The following CFAP299 variants were observed in gnomAD, a reference collection of about 807,000 sequenced individuals.
The protein encoded by CFAP299 is cilia- and flagella-associated protein 299.
CFAP299 carries 21 observed loss-of-function variants against 27.0 expected under a neutral mutation model. That is an observed-to-expected ratio of 0.78 (90% confidence interval 0.55 to 1.12). The LOEUF is 1.12. CFAP299 is among the 50% of genes most tolerant of loss of function. CFAP299 has a pLI of 0.00. For missense variants in CFAP299, 310 were observed against 276.6 expected, an observed-to-expected ratio of 1.12 and a Z score of -0.86; for synonymous variants, 104 against 98.1, an observed-to-expected ratio of 1.06 and a Z score of -0.36.
intron 2 of CFAP299, among the ~76,000 whole-genome samples, chr4:80,556,867 C>T (rs1734809354): frequency 6.6e-6 from 1 of 152,040 alleles, no homozygotes; most frequent in African/African-American, 2.4e-5. Context: ...TCTTCCCCCT[C>T]CATTTTCTCC....
At chr4:80,799,824 A>AT (rs1484919847) in intron 3 of CFAP299, among the ~76,000 whole-genome samples, 1 of 38,512 alleles carries the variant, frequency 2.6e-5, no homozygotes, top group African/African-American at 1.1e-4. Context: ...TATATATTAT[A>AT]TATATTTATA....
intron 3 of CFAP299, among the ~76,000 whole-genome samples, chr4:80,742,365 T>C (rs1186749499): frequency 6.6e-6 from 1 of 152,196 alleles, no homozygotes; most frequent in African/African-American, 2.4e-5. Flanking sequence ...TTTACATTTA[T>C]TTATTGATTT....
chr4:80,900,833 C>G (rs1734853558), intron 4 of CFAP299, among the ~76,000 whole-genome samples: 1 of 151,762 alleles, frequency 6.6e-6, no homozygotes. Context: ...TTGTTGACCT[C>G]TATGTCCTTT....
intron 2 of CFAP299, among the ~76,000 whole-genome samples, chr4:80,490,698 G>T (rs990657974): frequency 2.0e-5 from 3 of 151,962 alleles, no homozygotes; most frequent in Middle Eastern, 3.2e-3. Flanking sequence ...TTCACTTAAA[G>T]TTTAAATCAC....
At chr4:80,709,461 C>T (rs329403) in intron 3 of CFAP299, among the ~76,000 whole-genome samples, 134,722 of 152,168 alleles carry the variant, frequency 0.89, 60,157 homozygotes, top group East Asian at 1. Flanking sequence ...ATTACTACTA[C>T]GTTTAAGAAC....
chr4:80,827,706 A>G (rs1351515348), intron 3 of CFAP299, among the ~76,000 whole-genome samples: 1 of 151,986 alleles, frequency 6.6e-6, no homozygotes, highest in Non-Finnish European at 1.5e-5. Context: ...GGTCAAAGCA[A>G]TTAAACAAAA....
intron 3 of CFAP299, among the ~76,000 whole-genome samples, chr4:80,768,285 A>G (rs1726009288): frequency 6.6e-6 from 1 of 152,202 alleles, no homozygotes; most frequent in South Asian, 2.1e-4. Flanking sequence ...GTGACAACTA[A>G]TAGTAGAATG....
chr4:80,644,281 C>T (rs1188514100), intron 3 of CFAP299, among the ~76,000 whole-genome samples: 1 of 151,960 alleles, frequency 6.6e-6, no homozygotes, highest in Non-Finnish European at 1.5e-5. Context: ...CTATTAGCAT[C>T]GATTATTGGA....
chr4:80,351,818 A>T (rs1192410231), intron 1 of CFAP299, among the ~76,000 whole-genome samples: 1 of 150,566 alleles, frequency 6.6e-6, no homozygotes, highest in Non-Finnish European at 1.5e-5. Flanking sequence ...TAATATATTA[A>T]TAACATTAAA....
intron 2 of CFAP299, among the ~76,000 whole-genome samples, chr4:80,380,284 A>G (rs1328393319): frequency 1.8e-4 from 27 of 152,182 alleles, no homozygotes; most frequent in Non-Finnish European, 1.2e-4. Flanking sequence ...AAAGCTTAAA[A>G]TAAATTTACA....
At chr4:80,815,503 G>A (rs1729376552) in intron 3 of CFAP299, among the ~76,000 whole-genome samples, 2 of 152,000 alleles carry the variant, frequency 1.3e-5, no homozygotes, top group South Asian at 4.1e-4. Context: ...AGTAAACAGT[G>A]TTGAAAGTAG....
At chr4:80,798,202 G>C (rs1020889103) in intron 3 of CFAP299, among the ~76,000 whole-genome samples, 1 of 152,102 alleles carries the variant, frequency 6.6e-6, no homozygotes, top group Non-Finnish European at 1.5e-5. Flanking sequence ...GAAGCAAACA[G>C]GGGTGTTGGG....
intron 3 of CFAP299, among the ~76,000 whole-genome samples, chr4:80,800,023 T>C (rs1184315144): frequency 1.7e-5 from 1 of 59,208 alleles, no homozygotes; most frequent in East Asian, 5.6e-4. Context: ...TAATATATAT[T>C]ATATATAATA....
At chr4:80,870,342 G>T in intron 4 of CFAP299, 1 of 1,229,288 alleles carries the variant, frequency 8.1e-7, no homozygotes, top group Non-Finnish European at 1.0e-6. Flanking sequence ...GGATTCTTCA[G>T]AGACAAGATA....
chr4:80,648,060 A>C lies in CFAP299; in HGVS notation c.333+64877A>C, dbSNP rs1303473312. On this transcript the variant is annotated intron_variant, in intron 3 of 5. Coordinates refer to ENST00000358105, the MANE Select transcript of CFAP299 (RefSeq NM_152770.3). ...TGACAGAGGGAGAGACTCTGTCTCC[A>C]AAAAAAGGAAAAATGTTTTTAAGAA... 2.0e-5 allele frequency among the ~76,000 whole-genome samples: 3 copies of C among 152,256 alleles called. No individual in the cohort carries two copies. In the East Asian group the frequency reaches 5.8e-4, roughly 29 times the overall value.
At chr4:80,492,668 A>T (rs1731198012) in intron 2 of CFAP299, among the ~76,000 whole-genome samples, 1 of 152,212 alleles carries the variant, frequency 6.6e-6, no homozygotes, top group Non-Finnish European at 1.5e-5. Flanking sequence ...AGGTTTTATT[A>T]TTATTAAGGT....
chr4:80,691,392 T>A (rs1399657946), intron 3 of CFAP299, among the ~76,000 whole-genome samples: 2 of 142,148 alleles, frequency 1.4e-5, no homozygotes, highest in African/African-American at 5.4e-5. Flanking sequence ...GTTCAATATA[T>A]GCAAATCAAT....
intron 3 of CFAP299, among the ~76,000 whole-genome samples, chr4:80,611,870 A>G (rs1392616259): frequency 6.6e-6 from 1 of 152,052 alleles, no homozygotes; most frequent in East Asian, 1.9e-4. Context: ...CCTACACCAT[A>G]CACTGTCCCA....
chr4:80,835,945 G>T (rs72881540), intron 3 of CFAP299, among the ~76,000 whole-genome samples: 3 of 152,098 alleles, frequency 2.0e-5, no homozygotes, highest in Non-Finnish European at 4.4e-5. Flanking sequence ...AAAGAGATGA[G>T]TGCAAAGTCC....
Sources: allele counts gnomAD v4.1 joint callset (sites outside exome capture counted in the v4.1 genomes callset), GRCh38; gene constraint gnomAD v4.1.1; transcripts MANE v1.5; gene names NCBI Gene and HGNC (gene_info 2026-07-23, HGNC 2026-07-21).